The following PPM1F variants were observed in gnomAD, a reference collection of about 807,000 sequenced individuals.
PPM1F encodes the protein protein phosphatase 1F.
PPM1F carries 17 observed loss-of-function variants against 35.5 expected under a neutral mutation model. The ratio of observed to expected loss-of-function variants is 0.48; its 90% confidence interval spans 0.33 to 0.72. The LOEUF is 0.72. PPM1F is among the 30% of genes least tolerant of loss of function. PPM1F has a pLI of 0.02. For synonymous variants in PPM1F, 241 were observed against 255.5 expected, an observed-to-expected ratio of 0.94 and a Z score of 0.54; for missense variants, 521 against 613.0, an observed-to-expected ratio of 0.85 and a Z score of 1.59.
chr22:21,946,751 C>T (rs576695600), intron 1 of PPM1F: 3 of 152,194 alleles, frequency 2.0e-5, no homozygotes, highest in African/African-American at 4.8e-5. Context: ...GGGACACCAT[C>T]GAGCCTATTC....
In PPM1F at chr22:21,939,476, A is replaced by T; in HGVS notation, c.355+56T>A. The T allele has an allele frequency of 6.2e-7, 1 of 1,600,234 alleles. No individual in the cohort carries two copies. Among genetic ancestry groups the T allele is most frequent in the Non-Finnish European group, 8.5e-7 (1 of 1,172,396 alleles). On this transcript the variant is annotated intron_variant, in intron 3 of 7. Coordinates refer to ENST00000263212, the MANE Select transcript of PPM1F (RefSeq NM_014634.4). This position sits in a 1 kb window ranked among gnomAD's most constrained non-coding sequence, Gnocchi z 5.1. ...TCAATGGGCTTCCCACAATGTCGTC[A>T]CCCTTTGTTGCCTGCTAAGCAGCCC...
At chr22:21,948,298 G>GCCCCCCCC (rs1238368224) in intron 1 of PPM1F, 9 of 106,874 alleles carry the variant, frequency 8.4e-5, no homozygotes, top group African/African-American at 1.1e-4. Flanking sequence ...CAGTGAGATC[G>GCCCCCCCC]CCACCCCCCC....
rs1569124947 is a variant in PPM1F at position 21,923,385 on chromosome 22, C to G, written c.1072G>C (p.Ala358Pro). The G allele has an allele frequency of 4.3e-6, 7 of 1,613,802 alleles. No homozygotes were observed. The highest frequency in any genetic ancestry group is 5.1e-6 in the Non-Finnish European group (6 of 1,180,002). ...LTGSEDYLLL[A>P]CDGFFDVVPH... ...ACGACGTCAAAGAAGCCATCACAGG[C>G]AAGCAGCAGGTAGTCCTCGGAGCCC... Residue 358 changes from alanine to proline, a missense_variant, in exon 8 of 8, where the codon GCC becomes CCC. Ala to Pro is a conservative substitution (Grantham distance 27, BLOSUM62 -1). This residue lies in a region of PPM1F where 163 missense variants were observed against 169.6 expected (regional missense o/e 0.96). Coordinates refer to ENST00000263212, the MANE Select transcript of PPM1F (RefSeq NM_014634.4).
intron 6 of PPM1F, among the ~76,000 whole-genome samples, chr22:21,927,282 C>T (rs529922725): frequency 3.3e-5 from 5 of 152,302 alleles, no homozygotes; most frequent in East Asian, 1.9e-4. Flanking sequence ...AGAGTACGCA[C>T]GAATGTTCAC....
chr22:21,930,291 C>A (rs1052407810), intron 6 of PPM1F, among the ~76,000 whole-genome samples: 1 of 152,186 alleles, frequency 6.6e-6, no homozygotes, highest in Non-Finnish European at 1.5e-5. Flanking sequence ...GGAAGCTTGG[C>A]AAATCTACCC....
chr22:21,927,936 T>C (rs1330138095), intron 6 of PPM1F, among the ~76,000 whole-genome samples: 4 of 135,404 alleles, frequency 3.0e-5, no homozygotes, highest in African/African-American at 6.0e-5. Flanking sequence ...TTCTGTTTTT[T>C]GTTTTGTTTT....
At chr22:21,928,096 C>T (rs933207397) in intron 6 of PPM1F, among the ~76,000 whole-genome samples, 1 of 151,730 alleles carries the variant, frequency 6.6e-6, no homozygotes, top group African/African-American at 2.4e-5. Context: ...AGCGCCCACC[C>T]CCTCAGCAGC....
intron 4 of PPM1F, 30 bp from the exon 5 acceptor site, chr22:21,933,609 C>T (rs1390841025): frequency 1.3e-6 from 2 of 1,588,182 alleles, no homozygotes; most frequent in Non-Finnish European, 1.7e-6. Flanking sequence ...AGTCACAGAC[C>T]CGCGGGACCC....
chr22:21,922,676 G>A lies in PPM1F; in HGVS notation c.*416C>T, dbSNP rs2070460493. 6.1e-6 allele frequency: 1 copy of A among 163,940 alleles called. No homozygotes were observed. The highest frequency in any genetic ancestry group is 1.8e-4 in the East Asian group (1 of 5,532). The allele number at this position is 163,940 out of a possible 1,614,324, so 10.2% of individuals were successfully genotyped here. A position where few individuals can be genotyped will look rare whatever the true frequency, so the allele number is the denominator to read the frequency against. ...ATGGGAAACTGGGGCTGGCCACTCC[G>A]CTGCTGGGCCTGACCCAGGGGGTGC... On this transcript the variant is annotated 3_prime_UTR_variant, in exon 8 of 8. Coordinates refer to ENST00000263212, the MANE Select transcript of PPM1F (RefSeq NM_014634.4).
At chr22:21,927,942 G>GTTTTTTTTTTTTTTTTTTTTTTTTTTTT (rs60216371) in intron 6 of PPM1F, among the ~76,000 whole-genome samples, 16 of 75,148 alleles carry the variant, frequency 2.1e-4, no homozygotes, top group South Asian at 6.3e-4. Flanking sequence ...TTTTTGTTTT[G>GTTTTTTTTTTTTTTTTTTTTTTTTTTTT]TTTTTTTTTT....
At chr22:21,938,425 G>C in intron 3 of PPM1F, 1 of 1,157,942 alleles carries the variant, frequency 8.6e-7, no homozygotes, top group Non-Finnish European at 1.1e-6. Flanking sequence ...TGCGGGCAGG[G>C]AGCCAGGGCG....
intron 6 of PPM1F, among the ~76,000 whole-genome samples, chr22:21,927,937 G>GTCTTGTTTT (rs2070536344): frequency 1.5e-5 from 1 of 68,106 alleles, no homozygotes; most frequent in South Asian, 5.8e-4. Context: ...TCTGTTTTTT[G>GTCTTGTTTT]TTTTGTTTTT....
At chr22:21,929,584 G>A (rs1258557352) in intron 6 of PPM1F, among the ~76,000 whole-genome samples, 2 of 152,170 alleles carry the variant, frequency 1.3e-5, no homozygotes, top group African/African-American at 4.8e-5. Flanking sequence ...AGGTGGGAGT[G>A]GGCCCAGCAC....
Position 21,938,720 on chromosome 22 carries a change from C to G in PPM1F, c.355+812G>C, listed in dbSNP as rs549392942. Reference sequence around the variant, plus strand: ...TCAGCTGGGTGGGACGTTGCTACCCCCTTGTGGCACCCCTGCTGCAGCCTG... The same window carrying G: ...TCAGCTGGGTGGGACGTTGCTACCCGCTTGTGGCACCCCTGCTGCAGCCTG... On this transcript the variant is annotated intron_variant, in intron 3 of 7. Coordinates refer to ENST00000263212, the MANE Select transcript of PPM1F (RefSeq NM_014634.4). 2.5e-5 allele frequency: 11 copies of G among 441,252 alleles called. No homozygotes were observed. The South Asian group carries it at 6.1e-4, about 24-fold the overall frequency. 27.3% of individuals were successfully genotyped at this position (441,252 alleles called of 1,614,324 possible).
In PPM1F at chr22:21,923,441, C is replaced by G. The variant is rs1601775758; in HGVS notation, c.1016G>C (p.Gly339Ala). Residue 339 changes from glycine (G) to alanine (A), a missense_variant, in exon 8 of 8, where the codon GGG becomes GCG. Gly to Ala is a moderately conservative substitution (Grantham distance 60, BLOSUM62 0). Around this residue, in one of 3 missense-constraint regions of PPM1F, gnomAD observed 163 missense variants for 169.6 expected, o/e 0.96. Transcript: ENST00000263212. ...GDVFQKPYVS[G>A]EADAASRALT... is the part of the protein sequence containing the mutation. ...CGCCCGGGAAGCTGCATCGGCCTCC[C>G]CAGACACGTAGGGCTTCTGGAAGAC... The G allele has an allele frequency of 6.2e-7, 1 of 1,610,784 alleles. No individual in the cohort carries two copies. The highest frequency in any genetic ancestry group is 2.2e-5 in the East Asian group (1 of 44,784).
intron 7 of PPM1F, 43 bp downstream of exon 7, chr22:21,925,526 C>A (rs199896550): frequency 2.3e-5 from 37 of 1,581,192 alleles, no homozygotes; most frequent in Admixed American, 3.4e-5. Flanking sequence ...CCTGGGCTTC[C>A]GAGAGACCTT....
At position 21,939,810 on chromosome 22, in the gene PPM1F, G is replaced by T; in HGVS notation, c.207-130C>A. The T allele has an allele frequency of 9.7e-7, 1 of 1,030,302 alleles. No individual in the cohort carries two copies. The highest frequency in any genetic ancestry group is 1.4e-6 in the Non-Finnish European group (1 of 714,290). The allele number at this position is 1,030,302 out of a possible 1,614,324, so 63.8% of individuals were successfully genotyped here. On this transcript the variant is annotated intron_variant, in intron 2 of 7. Transcript: ENST00000263212. This position sits in a 1 kb window ranked among gnomAD's most constrained non-coding sequence, Gnocchi z 5.1. ...GGGCGGCCCCTGTCCTCAGGGAGCT[G>T]GGACAGGAAGGTCACAGGACAGCAA...
At chr22:21,945,642 A>AT in intron 2 of PPM1F, 1 of 556,078 alleles carries the variant, frequency 1.8e-6, no homozygotes, top group South Asian at 2.3e-5. Flanking sequence ...CTGTGAAAGA[A>AT]TGAGCTTTGG....
In PPM1F at chr22:21,945,845, G is replaced by A. The variant is rs757242586; in HGVS notation, c.204C>T (p.Ser68=). The stretch of plus-strand genomic sequence containing the variant: ...CCTTTGGGGGTGCACAGGCCTACCT[G>A]CTGCCCAGAAAGCCCATGGCCAGCT... ...LAELAMGFLG[S]RKAPPPLAAA... is the part of the protein sequence containing the mutation. Residue 68 remains serine (S), a splice_region_variant and synonymous_variant, in exon 2 of 8, where the codon AGC becomes AGT. Coordinates refer to ENST00000263212, the MANE Select transcript of PPM1F (RefSeq NM_014634.4). 2 of 1,608,696 alleles carry A rather than the reference G, an allele frequency of 1.2e-6. No individual in the cohort carries two copies. Among genetic ancestry groups the A allele is most frequent in the Non-Finnish European group, 1.7e-6 (2 of 1,179,798 alleles).
Sources: allele counts gnomAD v4.1 joint callset (sites outside exome capture counted in the v4.1 genomes callset), GRCh38; gene constraint gnomAD v4.1.1; regional missense constraint gnomAD v4.1.1; non-coding constraint Gnocchi (gnomAD v3.1); transcripts MANE v1.5; gene names NCBI Gene and HGNC (gene_info 2026-07-23, HGNC 2026-07-21).